ASTN2: variants seen among roughly 807,000 people sequenced by gnomAD.
ASTN2 encodes the protein astrotactin 2.
Under a neutral mutation model 139.8 loss-of-function variants are expected in ASTN2, and 54 were observed. The observed-to-expected ratio is 0.39, with a 90% CI of 0.31 to 0.48. ASTN2 has a LOEUF of 0.48. ASTN2 is among the 20% of genes least tolerant of loss of function. ASTN2 has a pLI of 0.95. For missense variants in ASTN2, 1,565 were observed against 1,725.1 expected (o/e 0.91, Z 1.64); for synonymous variants, 756 against 719.5 (o/e 1.05, Z -0.81).
chr9:117,324,090 C>A (rs945778941), intron 1 of ASTN2, among the ~76,000 whole-genome samples: 14 of 152,058 alleles, frequency 9.2e-5, no homozygotes, highest in Non-Finnish European at 1.9e-4. Flanking sequence ...ATGGGACGAG[C>A]AACAGGTGGC....
intron 22 of ASTN2, among the ~76,000 whole-genome samples, chr9:116,439,659 G>A (rs972448757): frequency 6.6e-6 from 1 of 152,092 alleles, no homozygotes; most frequent in Non-Finnish European, 1.5e-5. Flanking sequence ...TGAGCATTCC[G>A]TCAGGTAGTC....
intron 2 of ASTN2, among the ~76,000 whole-genome samples, chr9:117,252,949 G>A (rs1330746184): frequency 1.3e-5 from 2 of 152,094 alleles, no homozygotes; most frequent in Non-Finnish European, 2.9e-5. Flanking sequence ...TGTTGTTGTT[G>A]CTGTTATTAC....
chr9:117,094,999 G>T (rs1376134261), intron 5 of ASTN2, among the ~76,000 whole-genome samples: 1 of 152,214 alleles, frequency 6.6e-6, no homozygotes, highest in African/African-American at 2.4e-5. Context: ...AATGCATGCA[G>T]CATGGTTTGT....
chr9:116,581,524 A>C (rs1853952011), intron 19 of ASTN2, among the ~76,000 whole-genome samples: 1 of 152,140 alleles, frequency 6.6e-6, no homozygotes, highest in Non-Finnish European at 1.5e-5. Flanking sequence ...TTTCACCTTT[A>C]ACCCGACAAC....
intron 16 of ASTN2, among the ~76,000 whole-genome samples, chr9:116,709,118 C>T (rs1377722574): frequency 6.6e-6 from 1 of 152,200 alleles, no homozygotes; most frequent in Non-Finnish European, 1.5e-5. Flanking sequence ...ATACCAGCTG[C>T]CCATTATCCC....
chr9:117,141,838 T>A (rs1332466756), intron 3 of ASTN2, among the ~76,000 whole-genome samples: 1 of 152,194 alleles, frequency 6.6e-6, no homozygotes, highest in Non-Finnish European at 1.5e-5. Context: ...CATTGTGCAA[T>A]ATTTTTGCAA....
chr9:116,822,102 C>A (rs1455061521), intron 11 of ASTN2, among the ~76,000 whole-genome samples: 2 of 151,944 alleles, frequency 1.3e-5, no homozygotes, highest in Non-Finnish European at 2.9e-5. Flanking sequence ...CCCCACCGGC[C>A]AACTCCCCGC....
intron 16 of ASTN2, chr9:116,700,554 G>A (rs2132078292): frequency 6.0e-6 from 1 of 167,230 alleles, no homozygotes; most frequent in South Asian, 2.1e-4. Flanking sequence ...TCTGGCCTGT[G>A]TCTAAGGAAT....
At chr9:117,359,821 G>A (rs1829644990) in intron 1 of ASTN2, among the ~76,000 whole-genome samples, 1 of 152,182 alleles carries the variant, frequency 6.6e-6, no homozygotes. Flanking sequence ...GCCTGCATCA[G>A]TAACTGTACT....
intron 10 of ASTN2, among the ~76,000 whole-genome samples, chr9:116,960,508 A>G (rs1319804281): frequency 6.6e-6 from 1 of 151,024 alleles, no homozygotes; most frequent in Non-Finnish European, 1.5e-5. Context: ...TAGGACTAAT[A>G]TACCTTCATC....
At chr9:117,005,516 C>A (rs148089914) in intron 7 of ASTN2, among the ~76,000 whole-genome samples, 22 of 152,208 alleles carry the variant, frequency 1.4e-4, no homozygotes, top group African/African-American at 4.6e-4. Context: ...CAGGTACGTG[C>A]CTGCAATGGA....
At position 116,820,994 on chromosome 9, in the gene ASTN2, GACTATCTGCTT is replaced by G. The variant is rs370031695; in HGVS notation, c.2041-222_2041-212del. Among the ~76,000 whole-genome samples, 139 of 152,302 alleles carry G rather than the reference GACTATCTGCTT, an allele frequency of 9.1e-4. 2 individuals carry two copies. The highest frequency in any genetic ancestry group is 3.2e-3 in the African/African-American group (134 of 41,562). On this transcript the variant is annotated intron_variant, in intron 11 of 22. Coordinates refer to ENST00000313400, the MANE Select transcript of ASTN2 (RefSeq NM_001365068.1). ...CCCACCTGTAAAATGGGACTTTTGT[GACTATCTGCTT>G]ATAGTGTTGTGAGAATGAAGGGTGA...
chr9:116,673,654 T>C (rs577796523), intron 16 of ASTN2, among the ~76,000 whole-genome samples: 44 of 152,148 alleles, frequency 2.9e-4, no homozygotes, highest in Non-Finnish European at 4.9e-4. Flanking sequence ...AGGTAGAGAT[T>C]GAAGTTATGC....
chr9:116,957,749 C>G (rs748399634), intron 10 of ASTN2, among the ~76,000 whole-genome samples: 24 of 152,190 alleles, frequency 1.6e-4, no homozygotes, highest in Non-Finnish European at 2.6e-4. Flanking sequence ...GGTGTGATTT[C>G]GGCTCACTGC....
At chr9:117,310,830 C>A in intron 1 of ASTN2, among the ~76,000 whole-genome samples, 1 of 152,112 alleles carries the variant, frequency 6.6e-6, no homozygotes, top group East Asian at 1.9e-4. Context: ...CACTATGTTG[C>A]CTAGGCTGGT....
At chr9:116,484,293 T>A (rs1849267066) in intron 20 of ASTN2, among the ~76,000 whole-genome samples, 1 of 152,110 alleles carries the variant, frequency 6.6e-6, no homozygotes, top group South Asian at 2.1e-4. Flanking sequence ...CTACAACCCT[T>A]TGAGATAGGG....
chr9:117,038,327 G>A (rs776448288), intron 6 of ASTN2, among the ~76,000 whole-genome samples: 7 of 152,134 alleles, frequency 4.6e-5, no homozygotes, highest in Non-Finnish European at 8.8e-5. Context: ...TTTTTTTAAA[G>A]AATTAATGGT....
chr9:116,523,092 G>A (rs922392580), intron 19 of ASTN2, among the ~76,000 whole-genome samples: 2 of 152,012 alleles, frequency 1.3e-5, no homozygotes, highest in African/African-American at 2.4e-5. Flanking sequence ...CTATTATAAT[G>A]TTGTAGGAGA....
At chr9:116,868,406 C>T (rs1336449605) in intron 10 of ASTN2, among the ~76,000 whole-genome samples, 1 of 152,110 alleles carries the variant, frequency 6.6e-6, no homozygotes. Context: ...ACAACTTACC[C>T]TGTGTCTTGG....
Sources: allele counts gnomAD v4.1 joint callset (sites outside exome capture counted in the v4.1 genomes callset), GRCh38; gene constraint gnomAD v4.1.1; transcripts MANE v1.5; gene names NCBI Gene and HGNC (gene_info 2026-07-23, HGNC 2026-07-21).